Variants in ZPBP observed in about 807,000 individuals in gnomAD.
ZPBP encodes the protein zona pellucida-binding protein 1.
In ZPBP, 26 loss-of-function variants were observed where a neutral mutation model predicts 44.8. The observed-to-expected ratio is 0.58, with a 90% CI of 0.43 to 0.81. ZPBP has a LOEUF of 0.81. Among genes scored for constraint, ZPBP ranks in the 30% least tolerant of loss-of-function variants. ZPBP has a pLI of 0.00. For synonymous variants in ZPBP, 174 were observed against 153.2 expected, an observed-to-expected ratio of 1.14 and a Z score of -1.00; for missense variants, 409 against 434.0, an observed-to-expected ratio of 0.94 and a Z score of 0.51.
intron 4 of ZPBP, among the ~76,000 whole-genome samples, chr7:50,055,715 T>C (rs1490193131): frequency 6.6e-6 from 1 of 152,212 alleles, no homozygotes; most frequent in Non-Finnish European, 1.5e-5. Context: ...GCTGTTGTTG[T>C]AATAATTACA....
At chr7:50,075,897 A>G (rs1397539931) in intron 3 of ZPBP, among the ~76,000 whole-genome samples, 1 of 151,994 alleles carries the variant, frequency 6.6e-6, no homozygotes, top group African/African-American at 2.4e-5. Flanking sequence ...TTCCAAACTT[A>G]TTTTACAAGG....
At chr7:49,964,477 A>G (rs1387675903) in intron 7 of ZPBP, among the ~76,000 whole-genome samples, 1 of 152,080 alleles carries the variant, frequency 6.6e-6, no homozygotes, top group East Asian at 1.9e-4. Flanking sequence ...ACATTTTTAT[A>G]TCAGCAGCCA....
At chr7:50,037,228 A>C (rs1171087189) in intron 4 of ZPBP, among the ~76,000 whole-genome samples, 1 of 152,232 alleles carries the variant, frequency 6.6e-6, no homozygotes, top group African/African-American at 2.4e-5. Context: ...TGCAAACTCC[A>C]ACAAAGCTGC....
intron 7 of ZPBP, among the ~76,000 whole-genome samples, chr7:49,958,359 G>A (rs1562800872): frequency 6.6e-6 from 1 of 152,122 alleles, no homozygotes; most frequent in Non-Finnish European, 1.5e-5. Context: ...AGGTCAAAAT[G>A]GTATGATTTG....
intron 3 of ZPBP, among the ~76,000 whole-genome samples, chr7:50,065,285 G>A (rs550934775): frequency 6.9e-6 from 1 of 144,922 alleles, no homozygotes; most frequent in East Asian, 1.9e-4. Context: ...ATATGCCCAT[G>A]TTCAACAGAT....
At chr7:49,992,095 G>A (rs182372996) in intron 6 of ZPBP, among the ~76,000 whole-genome samples, 2 of 152,238 alleles carry the variant, frequency 1.3e-5, no homozygotes, top group South Asian at 2.1e-4. Context: ...AGGATTCTTA[G>A]AGGGTGGTAG....
downstream of ZPBP, among the ~76,000 whole-genome samples, chr7:49,934,100 G>A (rs1037601070): frequency 6.7e-6 from 1 of 149,998 alleles, no homozygotes; most frequent in Middle Eastern, 3.5e-3. Context: ...CTTGGGTTCA[G>A]GCACAATAAA....
chr7:49,869,210 A>T (rs1791033126), intron 2 of ZPBP, among the ~76,000 whole-genome samples: 1 of 152,206 alleles, frequency 6.6e-6, no homozygotes, highest in African/African-American at 2.4e-5. Flanking sequence ...TTGGGAGAAG[A>T]GGCAGACATT....
chr7:49,980,807 G>C (rs1796825591), intron 7 of ZPBP, among the ~76,000 whole-genome samples: 1 of 152,126 alleles, frequency 6.6e-6, no homozygotes. Context: ...TTAAACATGA[G>C]ATTTTGTGGG....
intron 2 of ZPBP, among the ~76,000 whole-genome samples, chr7:49,855,826 C>G (rs117040114): frequency 3.9e-5 from 6 of 152,192 alleles, no homozygotes; most frequent in South Asian, 2.1e-4. Flanking sequence ...TGACGGTGCA[C>G]GTTAATTCCC....
chr7:50,044,930 A>C (rs1463609713), intron 4 of ZPBP, among the ~76,000 whole-genome samples: 1 of 152,232 alleles, frequency 6.6e-6, no homozygotes, highest in African/African-American at 2.4e-5. Flanking sequence ...GTCCAGCAGC[A>C]CATCAAAAAG....
At chr7:50,022,047 G>C (rs149206612) in intron 5 of ZPBP, among the ~76,000 whole-genome samples, 2 of 152,132 alleles carry the variant, frequency 1.3e-5, no homozygotes, top group Admixed American at 1.3e-4. Flanking sequence ...TATATTTAAA[G>C]AACTGAAATA....
intron 4 of ZPBP, among the ~76,000 whole-genome samples, chr7:50,037,128 T>C (rs1799863136): frequency 6.6e-6 from 1 of 152,160 alleles, no homozygotes; most frequent in Non-Finnish European, 1.5e-5. Flanking sequence ...CTATAATGTG[T>C]GCAAGAAGAA....
Position 49,899,146 on chromosome 7 carries a change from A to G in ZPBP, n.509+1972T>C, listed in dbSNP as rs114487175. 4.9e-3 allele frequency among the ~76,000 whole-genome samples: 740 copies of G among 152,158 alleles called. 4 individuals are homozygous for G. The highest frequency in any genetic ancestry group is 0.017 in the African/African-American group (695 of 41,546). ...CCCTTATCCACAAAGGATATGTTCTACAACCCCCAGTGGATGCCTGAAACC... is the reference window on the plus strand; with the variant it reads ...CCCTTATCCACAAAGGATATGTTCTGCAACCCCCAGTGGATGCCTGAAACC... On this transcript the variant is annotated intron_variant and non_coding_transcript_variant, in intron 2 of 2. Coordinates refer to the ZPBP transcript ENST00000465922.
At position 49,920,862 on chromosome 7, in the gene ZPBP, T is replaced by C. The variant is rs147679605; in HGVS notation, n.411+14889A>G. ...AAGGTACCTGATGAATGTAAAATTA[T>C]AGCTTTTTGTCTTCATTTCTAATAG... On this transcript the variant is annotated intron_variant and non_coding_transcript_variant, in intron 1 of 2. Coordinates refer to the ZPBP transcript ENST00000465922. 6.2e-3 allele frequency: 944 copies of C among 152,316 alleles called. 7 individuals carry two copies. The highest frequency in any genetic ancestry group is 0.021 in the African/African-American group (878 of 41,566). The allele number at this position is 152,316 out of a possible 1,614,324, so 9.4% of individuals were successfully genotyped here.
chr7:50,028,223 T>C (rs1799423896), intron 5 of ZPBP, among the ~76,000 whole-genome samples: 1 of 151,896 alleles, frequency 6.6e-6, no homozygotes, highest in Admixed American at 6.6e-5. Context: ...AATGCAAAGA[T>C]TGTTGAACAT....
chr7:50,021,866 T>C (rs572387448), intron 5 of ZPBP, among the ~76,000 whole-genome samples: 17 of 152,248 alleles, frequency 1.1e-4, no homozygotes, highest in African/African-American at 4.1e-4. Flanking sequence ...TACATCTGTA[T>C]CTTCTGTAAT....
At chr7:49,891,687 T>C (rs539930) in intron 2 of ZPBP, among the ~76,000 whole-genome samples, 116,937 of 151,966 alleles carry the variant, frequency 0.77, 45,194 homozygotes, top group East Asian at 0.89. Flanking sequence ...TCTGATGTAA[T>C]CACTTTGGGA....
chr7:49,942,815 CTG>C (rs1562790273), intron 7 of ZPBP: 1 of 159,788 alleles, frequency 6.3e-6, no homozygotes, highest in East Asian at 1.8e-4. Flanking sequence ...AGGCACCACA[CTG>C]AGTTTGCCAA....
Sources: gnomAD v4.1 joint callset for allele counts (sites outside exome capture counted in the v4.1 genomes callset) on GRCh38, gnomAD v4.1.1 for gene constraint, MANE v1.5 for transcripts, NCBI Gene and HGNC (gene_info 2026-07-23, HGNC 2026-07-21) for gene names.